FAM135A: variants seen among roughly 807,000 people sequenced by gnomAD.
The protein encoded by FAM135A is protein FAM135A.
FAM135A carries 79 observed loss-of-function variants against 146.8 expected under a neutral mutation model. The ratio of observed to expected loss-of-function variants is 0.54; its 90% CI spans 0.45 to 0.65. FAM135A has a LOEUF of 0.65. Ranked by LOEUF, FAM135A falls within the 30% of genes least tolerant of loss-of-function variation. The pLI, the probability that FAM135A is intolerant of heterozygous loss-of-function variation, is 0.00. For synonymous variants in FAM135A, 562 were observed against 603.6 expected (o/e 0.93, Z 1.01); for missense variants, 1,623 against 1,758.2 (o/e 0.92, Z 1.38).
At position 70,475,008 on chromosome 6, in the gene FAM135A, A is replaced by C. The variant is rs180726904; in HGVS notation, c.158-402A>C. Among the ~76,000 whole-genome samples, 536 of 152,270 alleles carry C rather than the reference A, an allele frequency of 3.5e-3. 5 individuals are homozygous for C. Among genetic ancestry groups the C allele is most frequent in the African/African-American group, 0.012 (515 of 41,552 alleles). On this transcript the variant is annotated intron_variant, in intron 5 of 21. Transcript: ENST00000418814. ...GCTACTTCTCAGAAACTGGAGACAA[A>C]GGCCAGCCAAATTCTTTATTCCAAG...
In FAM135A at chr6:70,452,526, T is replaced by A. The variant is rs1249510050; in HGVS notation, c.112T>A (p.Ser38Thr). ...GATTCGTGCTTCTATGAAAATTCCATCAAGAATTCCCCACAGAGTAGAAGC... is the reference window on the plus strand; with the variant it reads ...GATTCGTGCTTCTATGAAAATTCCAACAAGAATTCCCCACAGAGTAGAAGC... ...YQIRASMKIP[S>T]RIPHRVEASL... Residue 38 changes from serine to threonine, a missense_variant, in exon 5 of 22, where the codon TCA (serine) becomes ACA (threonine). Physicochemically the swap from Ser to Thr is moderately conservative, Grantham distance 58 (BLOSUM62 1). This residue lies in a region of FAM135A where 171 missense variants were observed against 164.9 expected (regional missense o/e 1.04). Coordinates refer to ENST00000418814, the MANE Select transcript of FAM135A (RefSeq NM_001162529.3). The A allele has an allele frequency of 6.3e-7, 1 of 1,598,282 alleles. No homozygotes were observed. Among genetic ancestry groups the A allele is most frequent in the Admixed American group, 1.8e-5 (1 of 56,122 alleles).
At chr6:70,534,312 CTTTTTT>C (rs1179072858) in intron 18 of FAM135A, among the ~76,000 whole-genome samples, 18 of 89,804 alleles carry the variant, frequency 2.0e-4, no homozygotes, top group African/African-American at 4.3e-4. Flanking sequence ...AGTTTGTATA[CTTTTTT>C]TTTTTTTTTT....
chr6:70,453,660 T>A (rs949050723), intron 5 of FAM135A, among the ~76,000 whole-genome samples: 1 of 151,430 alleles, frequency 6.6e-6, no homozygotes, highest in African/African-American at 2.4e-5. Context: ...TGAGAACATG[T>A]GGTGTTTGGT....
At chr6:70,513,088 G>A (rs1380958593) in intron 12 of FAM135A, among the ~76,000 whole-genome samples, 1 of 151,436 alleles carries the variant, frequency 6.6e-6, no homozygotes, top group Non-Finnish European at 1.5e-5. Flanking sequence ...TGACTAATAA[G>A]CATGAGTCTA....
At chr6:70,475,606 T>C in intron 6 of FAM135A, 57 bp downstream of exon 6, 1 of 1,584,866 alleles carries the variant, frequency 6.3e-7, no homozygotes, top group Non-Finnish European at 8.6e-7. Flanking sequence ...CTCAAGATGT[T>C]ATTTCTAACT....
intron 11 of FAM135A, among the ~76,000 whole-genome samples, chr6:70,493,700 A>G (rs1042611188): frequency 1.3e-5 from 2 of 152,200 alleles, no homozygotes; most frequent in Admixed American, 6.5e-5. Flanking sequence ...TAAATGCCCA[A>G]TGGTAGAATA....
intron 12 of FAM135A, among the ~76,000 whole-genome samples, chr6:70,515,920 TA>T (rs200281638): frequency 5.5e-4 from 82 of 149,290 alleles, no homozygotes; most frequent in Middle Eastern, 3.5e-3. Context: ...AAAACTGCTG[TA>T]AAAAAAAAAT....
chr6:70,454,281 A>G (rs560724829), intron 5 of FAM135A, among the ~76,000 whole-genome samples: 10 of 152,142 alleles, frequency 6.6e-5, no homozygotes, highest in Middle Eastern at 3.4e-3. Context: ...AAATTTGTTT[A>G]AGTTCTTTGT....
At chr6:70,424,120 A>G (rs937615666) in intron 2 of FAM135A, among the ~76,000 whole-genome samples, 3 of 152,190 alleles carry the variant, frequency 2.0e-5, no homozygotes, top group Admixed American at 1.3e-4. Flanking sequence ...TATTCATTGC[A>G]TTAAGATCCC....
At chr6:70,505,059 T>C (rs1414102833) in intron 12 of FAM135A, 3 of 90,138 alleles carry the variant, frequency 3.3e-5, no homozygotes, top group African/African-American at 4.6e-5. Flanking sequence ...GCCTGTTTTT[T>C]GTAGGTAGAT....
rs191140782 is a variant in FAM135A, at chr6:70,539,050, C to T, written c.4228+649C>T. ...CCCAACTGCTCCTTTGCCATTTTTA[C>T]TGTCTATAAATAACCTTACTTCTGA... On this transcript the variant is annotated intron_variant, in intron 20 of 21. Transcript: ENST00000418814. Among the ~76,000 whole-genome samples the T allele has an allele frequency of 1.3e-3, 201 of 152,098 alleles. 2 individuals carry two copies. Among genetic ancestry groups the T allele is most frequent in the African/African-American group, 4.7e-3 (197 of 41,496 alleles).
chr6:70,511,375 A>C (rs1790969172), intron 12 of FAM135A, among the ~76,000 whole-genome samples: 1 of 151,954 alleles, frequency 6.6e-6, no homozygotes, highest in Admixed American at 6.6e-5. Flanking sequence ...AAAAAATTTT[A>C]AAGATATAAG....
At chr6:70,493,125 ATATT>A (rs1280077901) in intron 11 of FAM135A, among the ~76,000 whole-genome samples, 1 of 152,094 alleles carries the variant, frequency 6.6e-6, no homozygotes. Context: ...AATTCAGAAA[ATATT>A]TATTAATCCA....
At position 70,421,139 on chromosome 6, in the gene FAM135A, C is replaced by T. The variant is rs552374116; in HGVS notation, c.-133-5300C>T. 2.6e-5 allele frequency among the ~76,000 whole-genome samples: 4 copies of T among 152,256 alleles called. No homozygotes were observed. The East Asian group carries it at 7.7e-4, about 29-fold the overall frequency. The stretch of plus-strand genomic sequence containing the variant: ...GCTCAAGCAGTCTGCTTGTCTCAGC[C>T]TCCCAAAGTGCTGGGATTATAGGTG... On this transcript the variant is annotated intron_variant, in intron 2 of 21. Transcript: ENST00000418814.
At chr6:70,483,911 A>C (rs1378606365) in intron 10 of FAM135A, among the ~76,000 whole-genome samples, 1 of 152,168 alleles carries the variant, frequency 6.6e-6, no homozygotes, top group Admixed American at 6.5e-5. Context: ...CATTTCTGTC[A>C]CTTACTTACT....
intron 5 of FAM135A, among the ~76,000 whole-genome samples, chr6:70,466,098 C>T (rs575289929): frequency 6.6e-6 from 1 of 152,222 alleles, no homozygotes; most frequent in Admixed American, 6.5e-5. Context: ...TTTTTTTGTT[C>T]AGTCCACTTA....
At chr6:70,451,485 C>T (rs1777074081) in intron 4 of FAM135A, among the ~76,000 whole-genome samples, 1 of 152,216 alleles carries the variant, frequency 6.6e-6, no homozygotes, top group Non-Finnish European at 1.5e-5. Flanking sequence ...TGTTTTCAAG[C>T]AGTCCTCATC....
chr6:70,440,353 T>C (rs765779944), intron 4 of FAM135A, among the ~76,000 whole-genome samples: 7 of 152,162 alleles, frequency 4.6e-5, no homozygotes, highest in Non-Finnish European at 7.3e-5. Context: ...CCATTGATGA[T>C]CTTTACCCAG....
At chr6:70,490,925 T>G (rs936195190) in intron 10 of FAM135A, 109 bp from the exon 11 acceptor site, 34 of 602,792 alleles carry the variant, frequency 5.6e-5, no homozygotes, top group Middle Eastern at 9.0e-4. Flanking sequence ...ATTTAATTCA[T>G]TGAATACAGT....
Sources: allele counts gnomAD v4.1 joint callset (sites outside exome capture counted in the v4.1 genomes callset), GRCh38; gene constraint gnomAD v4.1.1; regional missense constraint gnomAD v4.1.1; transcripts MANE v1.5; gene names NCBI Gene and HGNC (gene_info 2026-07-23, HGNC 2026-07-21).